The following DENND2A variants were observed in gnomAD, a reference collection of about 807,000 sequenced individuals.
DENND2A encodes the protein DENN domain containing 2A, also known as DENN domain-containing protein 2A.
DENND2A carries 53 observed loss-of-function variants against 105.3 expected under a neutral mutation model. The ratio of observed to expected loss-of-function variants is 0.50; its 90% confidence interval spans 0.40 to 0.63. The LOEUF (loss-of-function observed/expected upper bound fraction) is 0.63, where lower values mean the gene tolerates loss of function less well. DENND2A is among the 30% of genes least tolerant of loss of function. The pLI is 0.00. For synonymous variants in DENND2A, 522 were observed against 508.4 expected (o/e 1.03, Z -0.36); for missense variants, 1,138 against 1,279.6 (o/e 0.89, Z 1.69).
chr7:140,608,629 C>T (rs1799778463), intron 1 of DENND2A, among the ~76,000 whole-genome samples: 1 of 150,702 alleles, frequency 6.6e-6, no homozygotes, highest in East Asian at 1.9e-4. Context: ...TGAGCTGAGA[C>T]TGAACCACTG....
At chr7:140,584,258 AAAC>A (rs1036235055) in intron 5 of DENND2A, among the ~76,000 whole-genome samples, 5 of 152,202 alleles carry the variant, frequency 3.3e-5, no homozygotes, top group Non-Finnish European at 2.9e-5. Flanking sequence ...CAAAAACAAA[AAAC>A]AACAACAACA....
intron 14 of DENND2A, among the ~76,000 whole-genome samples, chr7:140,530,893 G>C (rs1796238969): frequency 6.6e-6 from 1 of 152,020 alleles, no homozygotes; most frequent in Non-Finnish European, 1.5e-5. Flanking sequence ...CACCATGCCT[G>C]GCTAATTTTT....
chr7:140,544,524 T>G, intron 14 of DENND2A, 94 bp downstream of exon 14: 1 of 1,531,408 alleles, frequency 6.5e-7, no homozygotes, highest in South Asian at 1.1e-5. Flanking sequence ...AAGGGCTTAC[T>G]CTTCAATGCT....
intron 1 of DENND2A, among the ~76,000 whole-genome samples, chr7:140,621,611 T>C (rs17621746): frequency 0.34 from 52,149 of 151,940 alleles, 9,485 homozygotes; most frequent in African/African-American, 0.47. Flanking sequence ...GGGCCTGTTA[T>C]AGTCACGTAA....
At chr7:140,531,255 C>A (rs1253007510) in intron 14 of DENND2A, among the ~76,000 whole-genome samples, 1 of 152,120 alleles carries the variant, frequency 6.6e-6, no homozygotes, top group Non-Finnish European at 1.5e-5. Flanking sequence ...TATGTTGATG[C>A]GTGGAGCCAG....
At chr7:140,562,123 C>T (rs1388709661) in intron 9 of DENND2A, among the ~76,000 whole-genome samples, 1 of 151,854 alleles carries the variant, frequency 6.6e-6, no homozygotes, top group Non-Finnish European at 1.5e-5. Flanking sequence ...CTCCTGATCT[C>T]AAGTGATCCC....
rs28384334 is a variant in DENND2A, at chr7:140,522,828, G to A, written c.2665+479C>T. Among the ~76,000 whole-genome samples the A allele has an allele frequency of 5.5e-3, 832 of 151,844 alleles. 6 individuals carry two copies. The highest frequency in any genetic ancestry group is 0.019 in the African/African-American group (769 of 41,376). On this transcript the variant is annotated intron_variant, in intron 17 of 19. Transcript: ENST00000496613. ...TCACCATATTGGCCAGGCTGGTTTC[G>A]AACTCTTGACTTCAGGTGATCCACC...
At chr7:140,608,274 A>AC (rs1311231146) in intron 1 of DENND2A, among the ~76,000 whole-genome samples, 1 of 152,058 alleles carries the variant, frequency 6.6e-6, no homozygotes, top group African/African-American at 2.4e-5. Flanking sequence ...GGGGCATAGA[A>AC]CCCCCCTGAA....
At chr7:140,558,078 T>C in intron 11 of DENND2A, 65 bp downstream of exon 11, 1 of 1,400,636 alleles carries the variant, frequency 7.1e-7, no homozygotes, top group Non-Finnish European at 1.0e-6. Flanking sequence ...AAGCCAGACC[T>C]GGCTCTTGCA....
chr7:140,537,946 G>C (rs181620224), intron 14 of DENND2A, among the ~76,000 whole-genome samples: 7 of 152,264 alleles, frequency 4.6e-5, no homozygotes, highest in African/African-American at 1.7e-4. Context: ...GAAAATGAAG[G>C]CGAGGGTGTA....
At chr7:140,594,637 C>T (rs370913806) in intron 3 of DENND2A, among the ~76,000 whole-genome samples, 41 of 152,296 alleles carry the variant, frequency 2.7e-4, no homozygotes, top group African/African-American at 9.1e-4. Context: ...ACAGAGTCTC[C>T]GTCTATCTCG....
In DENND2A at chr7:140,590,752, G is replaced by C. The variant is rs569071575; in HGVS notation, c.996-2972C>G. Among the ~76,000 whole-genome samples, 3 of 152,174 alleles carry C rather than the reference G, an allele frequency of 2.0e-5. No homozygotes were observed. The South Asian group carries it at 6.2e-4, about 32-fold the overall frequency. On this transcript the variant is annotated intron_variant, in intron 3 of 19. Coordinates refer to ENST00000496613, the MANE Select transcript of DENND2A (RefSeq NM_015689.5). Reference sequence around the variant, plus strand: ...CTGGGCATGGTGGCATGTGCCTGAAGTTCCAACTACTTGGAAGGCTGAAGT... The same window carrying C: ...CTGGGCATGGTGGCATGTGCCTGAACTTCCAACTACTTGGAAGGCTGAAGT...
chr7:140,583,976 T>C (rs1038435953), intron 5 of DENND2A, among the ~76,000 whole-genome samples: 9 of 140,048 alleles, frequency 6.4e-5, no homozygotes, highest in Admixed American at 2.2e-4. Context: ...GTGCGGTGGC[T>C]CACGCCTGTA....
rs149042446 is a variant in DENND2A at position 140,544,534 on chromosome 7, T to C, written c.2327+84A>G. On this transcript the variant is annotated intron_variant, in intron 14 of 19. Transcript: ENST00000496613. The stretch of plus-strand genomic sequence containing the variant: ...CTCAGAAGGGCTTACTCTTCAATGC[T>C]AGGCGGTCACCTGCTCTACAGACTA... The C allele has an allele frequency of 1.8e-4, 289 of 1,573,112 alleles. 1 individual carries two copies. In the African/African-American group the frequency reaches 3.2e-3, roughly 17 times the overall value.
Position 140,606,200 on chromosome 7 carries a change from C to T in DENND2A, c.-247-394G>A, listed in dbSNP as rs537844767. 7.2e-5 allele frequency among the ~76,000 whole-genome samples: 11 copies of T among 152,054 alleles called. No individual in the cohort carries two copies. In the South Asian group the frequency reaches 8.3e-4, roughly 12 times the overall value. On this transcript the variant is annotated intron_variant, in intron 1 of 19. Coordinates refer to ENST00000496613, the MANE Select transcript of DENND2A (RefSeq NM_015689.5). ...GGATTACAGGTGTGCACCACCACCC[C>T]GGCTAATGTTTGTATTTTTAGTAGA...
chr7:140,528,507 C>T (rs1466090918), intron 14 of DENND2A, among the ~76,000 whole-genome samples: 9 of 151,874 alleles, frequency 5.9e-5, no homozygotes, highest in Admixed American at 5.2e-4. Flanking sequence ...CGGTGGCTCA[C>T]GCCTGTAATC....
At chr7:140,568,958 T>A in intron 7 of DENND2A, 145 bp from the exon 8 acceptor site, 1 of 732,808 alleles carries the variant, frequency 1.4e-6, no homozygotes, top group South Asian at 1.7e-5. Context: ...GGAGTCTTGC[T>A]CTGTCACCCA....
chr7:140,616,960 C>A (rs1402735243), intron 1 of DENND2A, among the ~76,000 whole-genome samples: 1 of 152,160 alleles, frequency 6.6e-6, no homozygotes, highest in South Asian at 2.1e-4. Flanking sequence ...CGGGTTCAAG[C>A]GATTCTTGTG....
chr7:140,567,841 C>A (rs1797928157), intron 8 of DENND2A, among the ~76,000 whole-genome samples: 1 of 152,196 alleles, frequency 6.6e-6, no homozygotes, highest in African/African-American at 2.4e-5. Flanking sequence ...AATGGCCTTG[C>A]TTCATTCTAG....
Sources: gnomAD v4.1 joint callset for allele counts (sites outside exome capture counted in the v4.1 genomes callset) on GRCh38, gnomAD v4.1.1 for gene constraint, MANE v1.5 for transcripts, NCBI Gene and HGNC (gene_info 2026-07-23, HGNC 2026-07-21) for gene names.